Variants in SNTG2 observed in about 807,000 individuals in gnomAD.
SNTG2 encodes the protein gamma-2-syntrophin.
SNTG2 carries 74 observed loss-of-function variants against 70.9 expected under a neutral mutation model. The observed-to-expected ratio is 1.04, with a 90% CI of 0.86 to 1.27. SNTG2 has a LOEUF of 1.27. SNTG2 is among the 50% of genes most tolerant of loss of function. SNTG2 has a pLI of 0.00. For missense variants in SNTG2, 717 were observed against 690.7 expected, an observed-to-expected ratio of 1.04 and a Z score of -0.43; for synonymous variants, 278 against 273.8, an observed-to-expected ratio of 1.02 and a Z score of -0.15.
intron 13 of SNTG2, among the ~76,000 whole-genome samples, chr2:1,261,131 T>TA (rs1373657733): frequency 6.6e-6 from 1 of 152,196 alleles, no homozygotes; most frequent in African/African-American, 2.4e-5. Flanking sequence ...TCAATATTTT[T>TA]AAAAAAGAGA....
chr2:954,970 A>G (rs1660095547), intron 1 of SNTG2, among the ~76,000 whole-genome samples: 1 of 152,256 alleles, frequency 6.6e-6, no homozygotes, highest in Non-Finnish European at 1.5e-5. Flanking sequence ...TAAACTAGCT[A>G]CATTTTAATT....
intron 1 of SNTG2, among the ~76,000 whole-genome samples, chr2:1,030,760 C>G (rs1328433507): frequency 6.6e-6 from 1 of 151,988 alleles, no homozygotes; most frequent in East Asian, 1.9e-4. Context: ...CCTTCTGGAA[C>G]TTTCTCAAGT....
At chr2:1,056,158 G>A (rs373988995) in intron 1 of SNTG2, among the ~76,000 whole-genome samples, 159 of 151,390 alleles carry the variant, frequency 1.1e-3, no homozygotes, top group Non-Finnish European at 2.1e-3. Context: ...CCCTGCGGAT[G>A]GGCTCCAGCT....
At chr2:1,153,554 T>C (rs984802991) in intron 6 of SNTG2, among the ~76,000 whole-genome samples, 7 of 152,172 alleles carry the variant, frequency 4.6e-5, no homozygotes, top group Admixed American at 3.9e-4. Flanking sequence ...CCAGGGATGG[T>C]GATTCCACAA....
At chr2:1,145,467 C>T (rs1197918982) in intron 6 of SNTG2, among the ~76,000 whole-genome samples, 1 of 152,158 alleles carries the variant, frequency 6.6e-6, no homozygotes, top group Non-Finnish European at 1.5e-5. Flanking sequence ...GGATAAAATG[C>T]ACCAATTCCT....
intron 1 of SNTG2, among the ~76,000 whole-genome samples, chr2:1,025,446 C>T (rs987101217): frequency 3.9e-5 from 6 of 152,180 alleles, no homozygotes; most frequent in Admixed American, 1.3e-4. Context: ...CTGTTTTTTA[C>T]TGCAGAGCAC....
intron 13 of SNTG2, among the ~76,000 whole-genome samples, chr2:1,261,906 G>A (rs547606988): frequency 2.0e-5 from 3 of 152,260 alleles, no homozygotes; most frequent in Admixed American, 6.5e-5. Flanking sequence ...TGGCTGCAAA[G>A]CTCATCCCGA....
chr2:1,199,464 A>G (rs1673145828), intron 8 of SNTG2, among the ~76,000 whole-genome samples: 1 of 152,080 alleles, frequency 6.6e-6, no homozygotes. Flanking sequence ...TTGTAATAAG[A>G]CAAAGATGCC....
At chr2:1,042,890 A>G (rs1466874595) in intron 1 of SNTG2, among the ~76,000 whole-genome samples, 2 of 152,196 alleles carry the variant, frequency 1.3e-5, no homozygotes, top group African/African-American at 4.8e-5. Context: ...ATACCTGGTA[A>G]TAGGATTGCT....
At chr2:1,222,558 G>C (rs368688972) in intron 9 of SNTG2, among the ~76,000 whole-genome samples, 1,842 of 48,422 alleles carry the variant, frequency 0.038, 39 homozygotes, top group Non-Finnish European at 0.049. Context: ...GTAGAGGAAA[G>C]CGGTGCAGTG....
At chr2:993,700 T>C (rs1399256447) in intron 1 of SNTG2, among the ~76,000 whole-genome samples, 1 of 152,172 alleles carries the variant, frequency 6.6e-6, no homozygotes, top group Non-Finnish European at 1.5e-5. Flanking sequence ...ACTTTGTGTC[T>C]ATTTTTTTTT....
At chr2:1,271,704 C>T (rs527870370) in intron 14 of SNTG2, among the ~76,000 whole-genome samples, 50 of 152,220 alleles carry the variant, frequency 3.3e-4, no homozygotes, top group Admixed American at 7.8e-4. Flanking sequence ...GCATTCATGT[C>T]GGTGTTCAGG....
intron 4 of SNTG2, among the ~76,000 whole-genome samples, chr2:1,102,992 T>G (rs1431240147): frequency 2.6e-5 from 4 of 152,178 alleles, no homozygotes; most frequent in Non-Finnish European, 1.5e-5. Context: ...ACCGTTGAGG[T>G]GCGGCCTGCG....
chr2:1,273,967 CAAT>C (rs1199399275), intron 14 of SNTG2, among the ~76,000 whole-genome samples: 2 of 152,030 alleles, frequency 1.3e-5, no homozygotes, highest in South Asian at 2.1e-4. Context: ...ATTAGAAAAA[CAAT>C]AAGAAATTTG....
At chr2:1,096,321 GT>G (rs1558393624) in intron 2 of SNTG2, among the ~76,000 whole-genome samples, 1 of 152,246 alleles carries the variant, frequency 6.6e-6, no homozygotes, top group East Asian at 1.9e-4. Context: ...ACCTCTTACA[GT>G]TACCTTTGTT....
chr2:1,191,863 A>G (rs1420886622), intron 8 of SNTG2, among the ~76,000 whole-genome samples: 1 of 151,906 alleles, frequency 6.6e-6, no homozygotes, highest in Non-Finnish European at 1.5e-5. Context: ...TATGCTTTAT[A>G]ACTTTATATA....
chr2:1,115,605 G>A (rs1181075195), intron 4 of SNTG2, among the ~76,000 whole-genome samples: 1 of 150,422 alleles, frequency 6.6e-6, no homozygotes, highest in Non-Finnish European at 1.5e-5. Flanking sequence ...ACTGTCCTTT[G>A]AGAAGAATCG....
intron 14 of SNTG2, among the ~76,000 whole-genome samples, chr2:1,273,307 A>T (rs1679133256): frequency 7.1e-6 from 1 of 141,394 alleles, no homozygotes; most frequent in South Asian, 2.2e-4. Flanking sequence ...AGTTTCAGAA[A>T]TTTTTCTGAT....
Position 1,005,452 on chromosome 2 carries a change from G to A in SNTG2, c.72+54384G>A, listed in dbSNP as rs547178000. Among the ~76,000 whole-genome samples, 16 of 152,012 alleles carry A rather than the reference G, an allele frequency of 1.1e-4. No homozygotes were observed. In the South Asian group the frequency reaches 1.5e-3, roughly 14 times the overall value. On this transcript the variant is annotated intron_variant, in intron 1 of 16. Transcript: ENST00000308624. ...TACGTGAATTCTCTGTACCGTCCTC[G>A]TCCTCTCAGTTTCTCTGTGAAGCTA...
Sources: gnomAD v4.1 joint callset for allele counts (sites outside exome capture counted in the v4.1 genomes callset) on GRCh38, gnomAD v4.1.1 for gene constraint, MANE v1.5 for transcripts, NCBI Gene and HGNC (gene_info 2026-07-23, HGNC 2026-07-21) for gene names.